FAM110B: variants seen among roughly 807,000 people sequenced by gnomAD.
The protein encoded by FAM110B is family with sequence similarity 110 member B, also known as protein FAM110B.
Under a neutral mutation model 20.4 loss-of-function variants are expected in FAM110B, and 6 were observed. The ratio of observed to expected loss-of-function variants is 0.29; its 90% CI spans 0.16 to 0.58. The LOEUF is 0.58. Ranked by LOEUF, FAM110B falls within the 20% of genes least tolerant of loss-of-function variation. The pLI, the probability that FAM110B is intolerant of heterozygous loss-of-function variation, is 0.90. For synonymous variants in FAM110B, 226 were observed against 214.1 expected (o/e 1.06, Z -0.49); for missense variants, 434 against 498.2 (o/e 0.87, Z 1.23).
chr8:58,105,002 T>C (rs1297506861), intron 3 of FAM110B, among the ~76,000 whole-genome samples: 1 of 151,248 alleles, frequency 6.6e-6, no homozygotes, highest in Non-Finnish European at 1.5e-5. Flanking sequence ...TTGCCTTCTT[T>C]TTTTTTTTTT....
chr8:58,134,651 C>A (rs897179209), intron 3 of FAM110B, among the ~76,000 whole-genome samples: 3 of 152,202 alleles, frequency 2.0e-5, no homozygotes, highest in Admixed American at 2.0e-4. Context: ...GATCTCTGCT[C>A]TTCATATGCT....
chr8:57,995,703 C>T (rs1032109236), intron 1 of FAM110B, among the ~76,000 whole-genome samples: 7 of 152,318 alleles, frequency 4.6e-5, no homozygotes, highest in African/African-American at 1.7e-4. Context: ...AAAGAAAACA[C>T]CTGGTGCTCA....
At chr8:58,132,805 A>G (rs1437558241) in intron 3 of FAM110B, among the ~76,000 whole-genome samples, 1 of 152,222 alleles carries the variant, frequency 6.6e-6, no homozygotes, top group Non-Finnish European at 1.5e-5. Flanking sequence ...ACTGCAAGCA[A>G]AATTATGCTC....
At chr8:58,048,797 A>T (rs939535495) in intron 2 of FAM110B, among the ~76,000 whole-genome samples, 1 of 152,186 alleles carries the variant, frequency 6.6e-6, no homozygotes, top group East Asian at 1.9e-4. Context: ...CACACAGCAG[A>T]TGTTAAACAT....
intron 1 of FAM110B, among the ~76,000 whole-genome samples, chr8:58,020,710 C>CT (rs1804733917): frequency 6.6e-6 from 1 of 152,178 alleles, no homozygotes; most frequent in African/African-American, 2.4e-5. Context: ...TCCACTGTTG[C>CT]TTTTTTGTCT....
At chr8:58,144,649 A>G (rs1803816485) in intron 3 of FAM110B, among the ~76,000 whole-genome samples, 1 of 152,186 alleles carries the variant, frequency 6.6e-6, no homozygotes, top group Admixed American at 6.5e-5. Context: ...ATATGACTTT[A>G]TTTATTTTGT....
intron 2 of FAM110B, among the ~76,000 whole-genome samples, chr8:58,054,926 T>TTA (rs1805519860): frequency 6.6e-6 from 1 of 152,212 alleles, no homozygotes; most frequent in Admixed American, 6.5e-5. Flanking sequence ...TCTTTTTTTT[T>TTA]AACCTGATAT....
intron 3 of FAM110B, among the ~76,000 whole-genome samples, chr8:58,144,086 C>G (rs1460066250): frequency 6.6e-6 from 1 of 152,206 alleles, no homozygotes; most frequent in Non-Finnish European, 1.5e-5. Context: ...TGAACTTTGT[C>G]TCCCACTGCC....
chr8:58,086,322 C>A (rs1380528391), intron 3 of FAM110B, among the ~76,000 whole-genome samples: 1 of 152,118 alleles, frequency 6.6e-6, no homozygotes, highest in East Asian at 1.9e-4. Context: ...CATTAAGAAA[C>A]AGGAAATTAA....
intron 2 of FAM110B, among the ~76,000 whole-genome samples, chr8:58,049,932 A>G (rs1585842393): frequency 6.6e-6 from 1 of 152,230 alleles, no homozygotes. Context: ...TATACAGTAG[A>G]TAATTAGTAT....
Position 58,146,444 on chromosome 8 carries a change from C to A in FAM110B, c.214C>A (p.Gln72Lys). The change falls in exon 4 of 4, where the codon CAG becomes AAG. Residue 72 changes from glutamine (Q) to lysine (K), a missense_variant. By Grantham distance (53) the Gln-to-Lys change is moderately conservative. This residue lies in a region of FAM110B where 284 missense variants were observed against 278.3 expected (regional missense o/e 1.02). Coordinates refer to ENST00000519262, the MANE Select transcript of FAM110B (RefSeq NM_001377989.1). ...GAGCCAGGAGGTGATCAACGCCAAG[C>A]AGGAGCCCGTGAAGCCCGCCGTGCT... ...VKSQEVINAK[Q>K]EPVKPAVLAK... 1 of 1,613,634 alleles carries A rather than the reference C, an allele frequency of 6.2e-7. No individual in the cohort carries two copies. The highest frequency in any genetic ancestry group is 8.5e-7 in the Non-Finnish European group (1 of 1,179,706).
intron 1 of FAM110B, among the ~76,000 whole-genome samples, chr8:58,025,654 C>G (rs1273650237): frequency 6.6e-6 from 1 of 152,126 alleles, no homozygotes; most frequent in African/African-American, 2.4e-5. Flanking sequence ...ATGGTAATGA[C>G]CTGAATGTCA....
chr8:58,094,416 A>G (rs1437702570), intron 3 of FAM110B, among the ~76,000 whole-genome samples: 2 of 152,180 alleles, frequency 1.3e-5, no homozygotes, highest in Admixed American at 1.3e-4. Context: ...ATTTTGAGAT[A>G]CGTTCCACCA....
At chr8:58,091,479 T>G (rs1307032187) in intron 3 of FAM110B, 1 of 151,970 alleles carries the variant, frequency 6.6e-6, no homozygotes, top group East Asian at 1.9e-4. Context: ...CCATGAAGGG[T>G]TTTGGCTCAG....
At chr8:58,080,307 G>T (rs1024467244) in intron 3 of FAM110B, among the ~76,000 whole-genome samples, 1 of 152,182 alleles carries the variant, frequency 6.6e-6, no homozygotes, top group Admixed American at 6.5e-5. Context: ...AAACATAAAT[G>T]TCTGGTGGAA....
At chr8:58,110,331 T>C (rs1208786788) in intron 3 of FAM110B, among the ~76,000 whole-genome samples, 1 of 152,160 alleles carries the variant, frequency 6.6e-6, no homozygotes, top group Non-Finnish European at 1.5e-5. Context: ...TGTATTTATA[T>C]GGAAAAGAAT....
intron 2 of FAM110B, among the ~76,000 whole-genome samples, chr8:58,062,941 A>G (rs1470077317): frequency 6.6e-6 from 1 of 152,228 alleles, no homozygotes; most frequent in East Asian, 1.9e-4. Flanking sequence ...ACCAGCGCCA[A>G]CAGAGGCTTT....
chr8:58,080,683 A>G (rs1231665236), intron 3 of FAM110B, among the ~76,000 whole-genome samples: 2 of 152,210 alleles, frequency 1.3e-5, no homozygotes, highest in Admixed American at 1.3e-4. Context: ...AAAGAATGCT[A>G]AATATTCAAT....
intron 2 of FAM110B, among the ~76,000 whole-genome samples, chr8:58,057,245 G>A (rs755913169): frequency 6.6e-6 from 1 of 152,130 alleles, no homozygotes; most frequent in Non-Finnish European, 1.5e-5. Flanking sequence ...GAGCTCTCCA[G>A]GGTGACCTGG....
Sources: gnomAD v4.1 joint callset for allele counts (sites outside exome capture counted in the v4.1 genomes callset) on GRCh38, gnomAD v4.1.1 for gene constraint, gnomAD v4.1.1 regional missense constraint, MANE v1.5 for transcripts, NCBI Gene and HGNC (gene_info 2026-07-23, HGNC 2026-07-21) for gene names.